Variants in COMP observed in about 807,000 individuals in gnomAD.
COMP encodes cartilage oligomeric matrix protein, also known as cartilage oligomeric matrix protein (pseudoachondroplasia, epiphyseal dysplasia 1, multiple).
Under a neutral mutation model 95.8 loss-of-function variants are expected in COMP, and 79 were observed. The ratio of observed to expected loss-of-function variants is 0.82; its 90% confidence interval spans 0.69 to 0.99. COMP has a LOEUF of 0.99. Among genes scored for constraint, COMP ranks in the 50% least tolerant of loss-of-function variants. The pLI, the probability that COMP is intolerant of heterozygous loss-of-function variation, is 0.00. For missense variants in COMP, 906 were observed against 1,076.1 expected (o/e 0.84, Z 2.21); for synonymous variants, 438 against 433.9 (o/e 1.01, Z -0.12).
rs1412236610 is a variant in COMP, at chr19:18,789,495, A to G, written c.391-198T>C. On this transcript the variant is annotated intron_variant, in intron 4 of 18. Transcript: ENST00000222271. The surrounding 1 kb of genome is among the most constrained non-coding windows in gnomAD (Gnocchi z 6.1). ...GGGCGCAACCGGGAGAGGAGAGGAGAGCTGTTCCCTCATGGGCGAGGGGAG... is the reference window on the plus strand; with the variant it reads ...GGGCGCAACCGGGAGAGGAGAGGAGGGCTGTTCCCTCATGGGCGAGGGGAG... Among the ~76,000 whole-genome samples the G allele has an allele frequency of 6.7e-6, 1 of 148,466 alleles. No homozygotes were observed.
chr19:18,788,219 T>C lies in COMP; in HGVS notation c.968A>G (p.Asn323Ser), dbSNP rs367812050. The C allele has an allele frequency of 4.5e-5, 72 of 1,612,600 alleles. No homozygotes were observed. The Middle Eastern group carries it at 6.6e-4, about 15-fold the overall frequency. Residue 323 changes from asparagine (N) to serine (S), a missense_variant, in exon 9 of 19, where the codon AAT becomes AGT. Asn to Ser is a conservative substitution (Grantham distance 46). Coordinates refer to ENST00000222271, the MANE Select transcript of COMP (RefSeq NM_000095.3). The surrounding 1 kb of genome is among the most constrained non-coding windows in gnomAD (Gnocchi z 4.7). The stretch of plus-strand genomic sequence containing the variant: ...GCCGAGCCGTAGATCTACCTTTTCA[T>C]TGGGGACCCCGTCCCCGTCGGCATC... ...DPDADGDGVP[N>S]EKDNCPLVRN... is the part of the protein sequence containing the mutation.
chr19:18,791,122 C>T, intron 1 of COMP, 69 bp downstream of exon 1: 1 of 1,533,276 alleles, frequency 6.5e-7, no homozygotes, highest in Non-Finnish European at 8.8e-7. Flanking sequence ...GCCTGGATCC[C>T]GGGCCTCTCA....
In COMP at chr19:18,784,417, CT is replaced by C. The variant is rs1403867240; in HGVS notation, c.1915-55del. 3 of 1,602,646 alleles carry C rather than the reference CT, an allele frequency of 1.9e-6. No individual in the cohort carries two copies. Among genetic ancestry groups the C allele is most frequent in the Admixed American group, 1.7e-5 (1 of 59,826 alleles). ...GACCTCGTGGGCCACCGGAGCCCCC[CT>C]AGACACCTTCCTGGAGAGACAGTTG... On this transcript the variant is annotated intron_variant, in intron 16 of 18. Coordinates refer to ENST00000222271, the MANE Select transcript of COMP (RefSeq NM_000095.3). This position sits in a 1 kb window ranked among gnomAD's most constrained non-coding sequence, Gnocchi z 4.9.
rs2055197735 is a variant in COMP at position 18,789,779 on chromosome 19, G to C, written c.390+163C>G. ...GGTGACGGGGATGGTCCTTGGGTTG[G>C]GCGTCCCCCCGCGGTAAGGAGGTAG... On this transcript the variant is annotated intron_variant, in intron 4 of 18. Coordinates refer to ENST00000222271, the MANE Select transcript of COMP (RefSeq NM_000095.3). This position sits in a 1 kb window ranked among gnomAD's most constrained non-coding sequence, Gnocchi z 6.1. 1.3e-5 allele frequency among the ~76,000 whole-genome samples: 2 copies of C among 152,010 alleles called. No individual in the cohort carries two copies. Among genetic ancestry groups the C allele is most frequent in the Admixed American group, 1.3e-4 (2 of 15,268 alleles).
Position 18,790,947 on chromosome 19 carries a change from G to A in COMP, c.80-12C>T. 6.4e-7 allele frequency: 1 copy of A among 1,552,836 alleles called. No individual in the cohort carries two copies. Among genetic ancestry groups the A allele is most frequent in the Non-Finnish European group, 8.7e-7 (1 of 1,149,448 alleles). On this transcript the variant is annotated splice_polypyrimidine_tract_variant and intron_variant, in intron 1 of 18. Transcript: ENST00000222271. Reference sequence around the variant, plus strand: ...GCCCAGGTCTGAGCCTGCGGCGGCAGGGGACCTGGTGAGGCGTCATGGGGC... The same window carrying A: ...GCCCAGGTCTGAGCCTGCGGCGGCAAGGGACCTGGTGAGGCGTCATGGGGC...
At chr19:18,783,223 G>A (rs778846513) in intron 17 of COMP, 30 bp from the exon 18 acceptor site, 6 of 1,603,058 alleles carry the variant, frequency 3.7e-6, no homozygotes, top group Non-Finnish European at 5.1e-6. Flanking sequence ...AGGCCTGGGG[G>A]ACCTGGGCCA....
chr19:18,785,164 C>G, intron 15 of COMP, 72 bp from the exon 16 acceptor site: 1 of 1,460,150 alleles, frequency 6.8e-7, no homozygotes, highest in Non-Finnish European at 9.5e-7. Flanking sequence ...ACCCAGAACC[C>G]AAACCTGCCC....
rs2055152410 is a variant in COMP, at chr19:18,784,689, C to T, written c.1914+207G>A. 6.6e-6 allele frequency among the ~76,000 whole-genome samples: 1 copy of T among 151,946 alleles called. No individual in the cohort carries two copies. The highest frequency in any genetic ancestry group is 2.1e-4 in the South Asian group (1 of 4,826). ...AGAGGGTTTAGGGTCCATAGGAAGA[C>T]TGGGGGGCCCTGAGAATGTTTGAGA... On this transcript the variant is annotated intron_variant, in intron 16 of 18. Coordinates refer to ENST00000222271, the MANE Select transcript of COMP (RefSeq NM_000095.3). This position sits in a 1 kb window ranked among gnomAD's most constrained non-coding sequence, Gnocchi z 4.9.
rs758999015 is a variant in COMP, at chr19:18,784,985, A to G, written c.1825T>C (p.Phe609Leu). The change falls in exon 16 of 19, where the codon TTC (phenylalanine) becomes CTC (leucine). Residue 609 changes from phenylalanine (F) to leucine (L), a missense_variant. Phe to Leu is a conservative substitution (Grantham distance 22). Coordinates refer to ENST00000222271, the MANE Select transcript of COMP (RefSeq NM_000095.3). This position sits in a 1 kb window ranked among gnomAD's most constrained non-coding sequence, Gnocchi z 4.9. ...FIFGYQDSSS[F>L]YVVMWKQMEQ... is the part of the protein sequence containing the mutation. ...ATCTGCTTCCACATGACCACGTAGAAGCTGGAGCTGTCCTGGTAGCCAAAG... is the reference window on the plus strand; with the variant it reads ...ATCTGCTTCCACATGACCACGTAGAGGCTGGAGCTGTCCTGGTAGCCAAAG... 1.2e-6 allele frequency: 2 copies of G among 1,614,004 alleles called. No homozygotes were observed. Among genetic ancestry groups the G allele is most frequent in the African/African-American group, 2.7e-5 (2 of 74,884 alleles).
In COMP at chr19:18,784,321, C is replaced by T. The variant is rs1416152202; in HGVS notation, c.1957G>A (p.Ala653Thr). Residue 653 changes from alanine to threonine, a missense_variant, in exon 17 of 19, where the codon GCT (alanine) becomes ACT (threonine). By Grantham distance (58) the Ala-to-Thr change is moderately conservative. Coordinates refer to ENST00000222271, the MANE Select transcript of COMP (RefSeq NM_000095.3). This position sits in a 1 kb window ranked among gnomAD's most constrained non-coding sequence, Gnocchi z 4.9. Reference sequence around the variant, plus strand: ...TCTGTGTCTCCTGTATGCCACAGAGCGTTCCGCAGCTGTTCCCCGGGGCCT... The same window carrying T: ...TCTGTGTCTCCTGTATGCCACAGAGTGTTCCGCAGCTGTTCCCCGGGGCCT... Reference protein sequence around the residue: ...STGPGEQLRNALWHTGDTESQ... With the variant: ...STGPGEQLRNTLWHTGDTESQ... 3.8e-5 allele frequency: 62 copies of T among 1,613,958 alleles called. No individual in the cohort carries two copies. Among genetic ancestry groups the T allele is most frequent in the Non-Finnish European group, 4.8e-5 (57 of 1,180,044 alleles).
Position 18,784,308 on chromosome 19 carries a change from G to A in COMP, c.1970C>T (p.Thr657Ile), listed in dbSNP as rs565963328. The change falls in exon 17 of 19, where the codon ACA becomes ATA. Residue 657 changes from threonine (T) to isoleucine (I), a missense_variant. Thr to Ile is a moderately conservative substitution (Grantham distance 89). Transcript: ENST00000222271. This position sits in a 1 kb window ranked among gnomAD's most constrained non-coding sequence, Gnocchi z 4.9. ...GEQLRNALWH[T>I]GDTESQVRLL... ...CCGCACCTGGGACTCTGTGTCTCCT[G>A]TATGCCACAGAGCGTTCCGCAGCTG... 1 of 1,614,136 alleles carries A rather than the reference G, an allele frequency of 6.2e-7. No individual in the cohort carries two copies. The highest frequency in any genetic ancestry group is 1.7e-5 in the Admixed American group (1 of 60,028).
At chr19:18,787,063 G>A (rs2055172833) in intron 10 of COMP, 2 of 352,236 alleles carry the variant, frequency 5.7e-6, no homozygotes, top group African/African-American at 2.1e-5. Context: ...GAGCCACCCC[G>A]TCCGGCCCAC....
Position 18,786,587 on chromosome 19 carries a change from C to T in COMP, c.1199G>A (p.Gly400Asp). 1.2e-6 allele frequency: 2 copies of T among 1,614,060 alleles called. No homozygotes were observed. The highest frequency in any genetic ancestry group is 1.1e-5 in the South Asian group (1 of 91,078). The change falls in exon 11 of 19, where the codon GGC (glycine) becomes GAC (aspartate). Residue 400 changes from glycine to aspartate, a missense_variant. By Grantham distance (94) the Gly-to-Asp change is moderately conservative (BLOSUM62 -1). Coordinates refer to ENST00000222271, the MANE Select transcript of COMP (RefSeq NM_000095.3). ...VPNSDQKDSD[G>D]DGIGDACDNC... ...GTCACAGGCATCCCCTATACCATCGCCATCACTGTCCTTCTGGTCTGAGTT... is the reference window on the plus strand; with the variant it reads ...GTCACAGGCATCCCCTATACCATCGTCATCACTGTCCTTCTGGTCTGAGTT...
intron 2 of COMP, 80 bp from the exon 3 acceptor site, chr19:18,790,693 C>T (rs1369836750): frequency 6.2e-7 from 1 of 1,612,740 alleles, no homozygotes; most frequent in Admixed American, 1.7e-5. Flanking sequence ...CCCGGGGTCC[C>T]TTTCTACAGC....
In COMP at chr19:18,789,144, C is replaced by T. The variant is rs1043640733; in HGVS notation, c.528+16G>A. 3.8e-6 allele frequency: 6 copies of T among 1,587,004 alleles called. No homozygotes were observed. Among genetic ancestry groups the T allele is most frequent in the Admixed American group, 1.8e-5 (1 of 55,094 alleles). ...CTTCCCTTCTGCTCCAAAAATGGGG[C>T]CCCCACACCTCTCACCTGCTTGTTG... On this transcript the variant is annotated intron_variant, in intron 5 of 18. Transcript: ENST00000222271. The surrounding 1 kb of genome is among the most constrained non-coding windows in gnomAD (Gnocchi z 6.1).
rs371079166 is a variant in COMP at position 18,784,386 on chromosome 19, G to A, written c.1915-23C>T. 4 of 1,613,474 alleles carry A rather than the reference G, an allele frequency of 2.5e-6. No homozygotes were observed. In the African/African-American group the frequency reaches 4.0e-5, roughly 16 times the overall value. ...AGCCTGCCAATACCCAGGAAAGGTG[G>A]TCAGAGACCTCGTGGGCCACCGGAG... On this transcript the variant is annotated intron_variant, in intron 16 of 18. Coordinates refer to ENST00000222271, the MANE Select transcript of COMP (RefSeq NM_000095.3). This position sits in a 1 kb window ranked among gnomAD's most constrained non-coding sequence, Gnocchi z 4.9.
At chr19:18,790,397 CTG>C (rs762296598) in intron 3 of COMP, among the ~76,000 whole-genome samples, 163 bp downstream of exon 3, 2 of 152,082 alleles carry the variant, frequency 1.3e-5, no homozygotes, top group Non-Finnish European at 2.9e-5. Flanking sequence ...CTTTTTGTCT[CTG>C]TTTCTACACA....
Position 18,786,091 on chromosome 19 carries a change from C to T in COMP, c.1363G>A (p.Ala455Thr). The T allele has an allele frequency of 4.3e-6, 7 of 1,614,148 alleles. No individual in the cohort carries two copies. Among genetic ancestry groups the T allele is most frequent in the South Asian group, 1.1e-5 (1 of 91,084 alleles). The change falls in exon 13 of 19, where the codon GCC (alanine) becomes ACC (threonine). Residue 455 changes from alanine to threonine, a missense_variant. Transcript: ENST00000222271. ...CCATCGTGGTCTGAGTCCTCCTGGGCACTGTTAGGCACCGTGGGACAGTTG... is the reference window on the plus strand; with the variant it reads ...CCATCGTGGTCTGAGTCCTCCTGGGTACTGTTAGGCACCGTGGGACAGTTG... ...RDNCPTVPNSAQEDSDHDGQG... is the reference protein window; with the variant it reads ...RDNCPTVPNSTQEDSDHDGQG...
Position 18,789,060 on chromosome 19 carries a change from C to A in COMP, c.528+100G>T, listed in dbSNP as rs2055191522. ...GCGCAGCGGACCCCTCCTCTCCCCACCCCTCCCGCTGGAAGGAGGCTGGAA... is the reference window on the plus strand; with the variant it reads ...GCGCAGCGGACCCCTCCTCTCCCCAACCCTCCCGCTGGAAGGAGGCTGGAA... On this transcript the variant is annotated intron_variant, in intron 5 of 18. Transcript: ENST00000222271. The surrounding 1 kb of genome is among the most constrained non-coding windows in gnomAD (Gnocchi z 6.1). The A allele has an allele frequency of 1.3e-6, 2 of 1,546,146 alleles. No homozygotes were observed. The highest frequency in any genetic ancestry group is 8.8e-7 in the Non-Finnish European group (1 of 1,141,138).
Sources: allele counts gnomAD v4.1 joint callset (sites outside exome capture counted in the v4.1 genomes callset), GRCh38; gene constraint gnomAD v4.1.1; non-coding constraint Gnocchi (gnomAD v3.1); transcripts MANE v1.5; gene names NCBI Gene and HGNC (gene_info 2026-07-23, HGNC 2026-07-21).